NFIB: variants seen among roughly 807,000 people sequenced by gnomAD.
The protein encoded by NFIB is nuclear factor 1 B-type.
NFIB carries 11 observed loss-of-function variants against 61.5 expected under a neutral mutation model. The ratio of observed to expected loss-of-function variants is 0.18; its 90% confidence interval spans 0.11 to 0.30. The LOEUF is 0.30. NFIB is among the 10% of genes least tolerant of loss of function. NFIB has a pLI of 1.00. For synonymous variants in NFIB, 260 were observed against 216.5 expected, an observed-to-expected ratio of 1.20 and a Z score of -1.76; for missense variants, 471 against 608.9, an observed-to-expected ratio of 0.77 and a Z score of 2.38.
intron 2 of NFIB, among the ~76,000 whole-genome samples, chr9:14,291,375 C>A (rs578169396): frequency 1.3e-5 from 2 of 151,944 alleles, no homozygotes; most frequent in Non-Finnish European, 2.9e-5. Flanking sequence ...ATCCCAGCTA[C>A]TTGGGAGGCT....
intron 2 of NFIB, among the ~76,000 whole-genome samples, chr9:14,286,421 G>A (rs1203138479): frequency 3.3e-5 from 5 of 152,282 alleles, no homozygotes; most frequent in African/African-American, 9.6e-5. Flanking sequence ...TTGTATGCTT[G>A]TTATGTATAA....
chr9:14,331,230 GA>G (rs1315215724), intron 1 of NFIB, among the ~76,000 whole-genome samples: 1 of 152,126 alleles, frequency 6.6e-6, no homozygotes, highest in East Asian at 1.9e-4. Flanking sequence ...TGGAGGTTTG[GA>G]AAGACTGAGT....
chr9:14,215,766 C>T (rs187191840), intron 2 of NFIB, among the ~76,000 whole-genome samples: 21 of 152,282 alleles, frequency 1.4e-4, no homozygotes, highest in African/African-American at 4.8e-4. Context: ...CAAAAGCAAA[C>T]ATTACTTTTG....
chr9:14,292,028 G>C (rs543277687), intron 2 of NFIB, among the ~76,000 whole-genome samples: 1 of 151,996 alleles, frequency 6.6e-6, no homozygotes, highest in South Asian at 2.1e-4. Flanking sequence ...ATGTATAAAA[G>C]AAAAAACCTA....
chr9:14,414,187 T>C, the NFIB span, among the ~76,000 whole-genome samples: 551 of 152,170 alleles, frequency 3.6e-3, 3 homozygotes, highest in African/African-American at 0.013. Context: ...TCTGTAATCC[T>C]AGCACTTTGG....
chr9:14,289,116 G>A (rs1402870678), intron 2 of NFIB, among the ~76,000 whole-genome samples: 1 of 140,252 alleles, frequency 7.1e-6, no homozygotes, highest in African/African-American at 2.8e-5. Context: ...ATGTGTGTGT[G>A]TATATGTATA....
chr9:14,312,767 ATCG>A (rs1468567203), intron 1 of NFIB, among the ~76,000 whole-genome samples: 1 of 152,242 alleles, frequency 6.6e-6, no homozygotes, highest in African/African-American at 2.4e-5. Context: ...ACGCCCAAAT[ATCG>A]TCAAATGAAC....
chr9:14,423,214 A>G, the NFIB span, among the ~76,000 whole-genome samples: 1 of 152,170 alleles, frequency 6.6e-6, no homozygotes, highest in Non-Finnish European at 1.5e-5. Context: ...TCGGGGCAAA[A>G]CGTACTCATC....
In NFIB at chr9:14,087,300, C is replaced by A. The variant is rs920268165; in HGVS notation, c.*1009G>T. On this transcript the variant is annotated 3_prime_UTR_variant, in exon 11 of 11. Transcript: ENST00000380953. ...GTCTTGATTTAATGCCTTTTTAATG[C>A]CCTCAAAAACTGAGGGGAAAATAAA... 3 of 204,594 alleles carry A rather than the reference C, an allele frequency of 1.5e-5. No individual in the cohort carries two copies. The highest frequency in any genetic ancestry group is 6.9e-5 in the African/African-American group (3 of 43,638). 12.7% of individuals were successfully genotyped at this position (204,594 alleles called of 1,614,324 possible). A position where few individuals can be genotyped will look rare whatever the true frequency, so the allele number is the denominator to read the frequency against.
At chr9:14,497,258 A>G in the NFIB span, among the ~76,000 whole-genome samples, 51 of 152,144 alleles carry the variant, frequency 3.4e-4, no homozygotes, top group African/African-American at 1.0e-3. Flanking sequence ...ATGTCACCCA[A>G]TTACATTTTT....
At chr9:14,506,714 C>T in the NFIB span, among the ~76,000 whole-genome samples, 2 of 152,086 alleles carry the variant, frequency 1.3e-5, no homozygotes, top group African/African-American at 4.8e-5. Context: ...AAACTCCACC[C>T]TTAAAGGTTT....
the NFIB span, among the ~76,000 whole-genome samples, chr9:14,413,404 C>T: frequency 2.0e-5 from 3 of 152,138 alleles, no homozygotes; most frequent in Admixed American, 2.0e-4. Flanking sequence ...ACATAGCACT[C>T]AGTTTGTTAT....
chr9:14,398,608 C>T, exon 1 of NFIB: 1 of 1,532,242 alleles, frequency 6.5e-7, no homozygotes. Context: ...CCCAGAAGTC[C>T]ACAGACACTG....
the NFIB span, among the ~76,000 whole-genome samples, chr9:14,469,340 G>A: frequency 1.3e-5 from 2 of 152,180 alleles, no homozygotes; most frequent in Non-Finnish European, 2.9e-5. Flanking sequence ...AACTTCTCTG[G>A]TGATGAGAAG....
intron 2 of NFIB, among the ~76,000 whole-genome samples, chr9:14,279,831 T>C (rs1221760931): frequency 6.6e-6 from 1 of 152,226 alleles, no homozygotes; most frequent in African/African-American, 2.4e-5. Context: ...GTAATAATGA[T>C]GTGAACTCAG....
At chr9:14,499,080 G>A in the NFIB span, among the ~76,000 whole-genome samples, 9 of 151,890 alleles carry the variant, frequency 5.9e-5, no homozygotes, top group South Asian at 1.5e-3. Context: ...GTGTGTGTTT[G>A]TGTGTGTGTG....
chr9:14,383,478 C>G (rs1260387966), intron 1 of NFIB, among the ~76,000 whole-genome samples: 3 of 152,138 alleles, frequency 2.0e-5, no homozygotes, highest in Admixed American at 6.5e-5. Context: ...TCTGGGAAAC[C>G]TGCCAGCATG....
chr9:14,265,313 G>A (rs2057105138), intron 2 of NFIB, among the ~76,000 whole-genome samples: 2 of 152,104 alleles, frequency 1.3e-5, no homozygotes, highest in African/African-American at 4.8e-5. Context: ...CCCCAATGTA[G>A]GCAGAACAGG....
the NFIB span, among the ~76,000 whole-genome samples, chr9:14,448,528 G>C: frequency 6.6e-6 from 1 of 152,204 alleles, no homozygotes; most frequent in Non-Finnish European, 1.5e-5. Flanking sequence ...AGTTGGGATG[G>C]AGAAGGTGCT....
Sources: gnomAD v4.1 joint callset for allele counts (sites outside exome capture counted in the v4.1 genomes callset) on GRCh38, gnomAD v4.1.1 for gene constraint, MANE v1.5 for transcripts, NCBI Gene and HGNC (gene_info 2026-07-23, HGNC 2026-07-21) for gene names.